The following ARID2 variants were observed in gnomAD, a reference collection of about 807,000 sequenced individuals.
The protein encoded by ARID2 is AT-rich interaction domain 2.
ARID2 carries 32 observed loss-of-function variants against 184.6 expected under a neutral mutation model. The observed-to-expected ratio is 0.17, with a 90% CI of 0.13 to 0.23. The LOEUF (loss-of-function observed/expected upper bound fraction) is 0.23, where lower values mean the gene tolerates loss of function less well. ARID2 is among the 10% of genes least tolerant of loss of function. The probability of loss-of-function intolerance (pLI) is 1.00; values close to 1 mark genes in which losing one functional copy is unlikely to be tolerated. For synonymous variants in ARID2, 836 were observed against 772.6 expected (o/e 1.08, Z -1.36); for missense variants, 1,696 against 2,197.6 (o/e 0.77, Z 4.56).
chr12:45,871,054 T>TCTGTACGATTTTGTATTC (rs1164949390), intron 16 of ARID2, among the ~76,000 whole-genome samples: 1 of 152,240 alleles, frequency 6.6e-6, no homozygotes, highest in Non-Finnish European at 1.5e-5. Flanking sequence ...TTCCAAAGTG[T>TCTGTACGATTTTGTATTC]CTGTACGATT....
rs546578890 is a variant in ARID2 at position 45,847,687 on chromosome 12, C to T, written c.1580+750C>T. 1.1e-3 allele frequency among the ~76,000 whole-genome samples: 172 copies of T among 152,146 alleles called. 2 individuals carry two copies. Among genetic ancestry groups the T allele is most frequent in the Middle Eastern group, 6.8e-3 (2 of 294 alleles). On this transcript the variant is annotated intron_variant, in intron 12 of 20. Transcript: ENST00000334344. ...TGCCATTCACTAACATTATTTGTCT[C>T]CCATTTCATGCTCCTGTCACTCTTT...
intron 6 of ARID2, among the ~76,000 whole-genome samples, chr12:45,824,883 G>A (rs1013940521): frequency 6.8e-6 from 1 of 147,786 alleles, no homozygotes; most frequent in South Asian, 2.1e-4. Context: ...ATATATATAT[G>A]TATATATAAA....
At chr12:45,846,795 A>G (rs80346376) in intron 11 of ARID2, 61 bp from the exon 12 acceptor site, 2 of 1,524,584 alleles carry the variant, frequency 1.3e-6, no homozygotes, top group Non-Finnish European at 1.8e-6. Flanking sequence ...CATAAAAAAA[A>G]GTATGGCAAA....
chr12:45,738,611 G>A (rs1467185623), intron 3 of ARID2, among the ~76,000 whole-genome samples: 1 of 151,894 alleles, frequency 6.6e-6, no homozygotes, highest in Non-Finnish European at 1.5e-5. Flanking sequence ...GCACCCGGCT[G>A]GCCGGAGATT....
In ARID2 at chr12:45,730,037, C is replaced by T. The variant is rs561834872; in HGVS notation, c.93-7C>T. Reference sequence around the variant, plus strand: ...CTGACAAGTGCGGGGCTTTTTCTCTCCCGCAGGTCGCCTTTTAAAAAAATC... The same window carrying T: ...CTGACAAGTGCGGGGCTTTTTCTCTTCCGCAGGTCGCCTTTTAAAAAAATC... On this transcript the variant is annotated splice_polypyrimidine_tract_variant and splice_region_variant and intron_variant, in intron 1 of 20. Transcript: ENST00000334344. 26 of 1,612,870 alleles carry T rather than the reference C, an allele frequency of 1.6e-5. No homozygotes were observed. The highest frequency in any genetic ancestry group is 1.3e-4 in the East Asian group (6 of 44,788).
intron 3 of ARID2, among the ~76,000 whole-genome samples, chr12:45,731,768 T>G (rs776497481): frequency 6.6e-6 from 1 of 152,044 alleles, no homozygotes; most frequent in East Asian, 1.9e-4. Flanking sequence ...TTTGGAACAG[T>G]GTCATTGAAT....
chr12:45,888,035 A>G (rs1944225451), intron 16 of ARID2, among the ~76,000 whole-genome samples: 1 of 152,114 alleles, frequency 6.6e-6, no homozygotes, highest in Non-Finnish European at 1.5e-5. Flanking sequence ...CTCTACTAAA[A>G]ATATAAAAAA....
At chr12:45,896,979 G>A (rs1944377006) in intron 20 of ARID2, among the ~76,000 whole-genome samples, 1 of 152,156 alleles carries the variant, frequency 6.6e-6, no homozygotes. Flanking sequence ...ACCCTGAATA[G>A]CAGAAACAAT....
rs570984955 is a variant in ARID2, at chr12:45,730,556, A to T, written c.186+419A>T. Among the ~76,000 whole-genome samples the T allele has an allele frequency of 3.1e-3, 476 of 152,184 alleles. 4 individuals are homozygous for T. Among genetic ancestry groups the T allele is most frequent in the African/African-American group, 0.011 (459 of 41,570 alleles). On this transcript the variant is annotated intron_variant, in intron 2 of 20. Coordinates refer to ENST00000334344, the MANE Select transcript of ARID2 (RefSeq NM_152641.4). ...CAGGCGGAGACACACAGAGACACAC[A>T]GACTCTGAGAGCAGTTTTCGTGCAA...
intron 16 of ARID2, among the ~76,000 whole-genome samples, chr12:45,864,164 A>G (rs375820481): frequency 6.6e-6 from 1 of 152,008 alleles, no homozygotes; most frequent in Non-Finnish European, 1.5e-5. Flanking sequence ...TTTTAGATGT[A>G]TAATATAGAT....
At chr12:45,818,504 A>T (rs1942844811) in intron 5 of ARID2, among the ~76,000 whole-genome samples, 1 of 152,120 alleles carries the variant, frequency 6.6e-6, no homozygotes, top group East Asian at 1.9e-4. Flanking sequence ...CTTTTGTAAA[A>T]TATCTGTGTT....
chr12:45,862,329 C>G (rs1392116990), intron 16 of ARID2, among the ~76,000 whole-genome samples: 3 of 151,988 alleles, frequency 2.0e-5, no homozygotes, highest in African/African-American at 2.4e-5. Flanking sequence ...AAAATCAGTC[C>G]TTTAGGTTGT....
chr12:45,753,729 G>A (rs1037706470), intron 3 of ARID2, among the ~76,000 whole-genome samples: 1 of 152,110 alleles, frequency 6.6e-6, no homozygotes, highest in Non-Finnish European at 1.5e-5. Context: ...GAATAGCTGG[G>A]ACTACAGGCA....
At chr12:45,789,958 A>C (rs1942264801) in intron 3 of ARID2, among the ~76,000 whole-genome samples, 1 of 152,200 alleles carries the variant, frequency 6.6e-6, no homozygotes, top group Non-Finnish European at 1.5e-5. Context: ...CTACCAAAAA[A>C]ACCAAAACAA....
intron 3 of ARID2, among the ~76,000 whole-genome samples, chr12:45,783,550 G>T (rs528223092): frequency 1.0e-3 from 159 of 152,354 alleles, no homozygotes; most frequent in African/African-American, 3.4e-3. Flanking sequence ...GTGGCAGGGG[G>T]ATGGTTTCAG....
chr12:45,763,831 A>C (rs1254460054), intron 3 of ARID2, among the ~76,000 whole-genome samples: 1 of 151,996 alleles, frequency 6.6e-6, no homozygotes, highest in African/African-American at 2.4e-5. Context: ...GAGAATTTGC[A>C]ATTTTTATAT....
rs1565622241 is a variant in ARID2 at position 45,850,345 on chromosome 12, G to A, written c.2222G>A (p.Ser741Asn). Residue 741 changes from serine (S) to asparagine (N), a missense_variant, in exon 15 of 21, where the codon AGT becomes AAT. Coordinates refer to ENST00000334344, the MANE Select transcript of ARID2 (RefSeq NM_152641.4). ...GCTGTTGGAGGAGGACCTCCACAGA[G>A]TTCTGTTGTTCAGAATCATAGTACA... ...SIAVGGGPPQ[S>N]SVVQNHSTGP... is the part of the protein sequence containing the mutation. 3.1e-6 allele frequency: 5 copies of A among 1,614,092 alleles called. No homozygotes were observed. The South Asian group carries it at 3.3e-5, about 11-fold the overall frequency.
At chr12:45,745,990 T>G (rs543489074) in intron 3 of ARID2, among the ~76,000 whole-genome samples, 3 of 145,698 alleles carry the variant, frequency 2.1e-5, no homozygotes, top group Admixed American at 6.9e-5. Context: ...TTGATAGTTG[T>G]TTTTTTTTTT....
rs115455208 is a variant in ARID2 at position 45,872,614 on chromosome 12, C to T, written c.4922+11665C>T. Reference sequence around the variant, plus strand: ...TGCCAAGCAAAGAGGGGAAAAGTCCCTTATAAAATCGTCAGATCTCGTGAG... The same window carrying T: ...TGCCAAGCAAAGAGGGGAAAAGTCCTTTATAAAATCGTCAGATCTCGTGAG... On this transcript the variant is annotated intron_variant, in intron 16 of 20. Transcript: ENST00000334344. Among the ~76,000 whole-genome samples the T allele has an allele frequency of 7.6e-3, 1,164 of 152,268 alleles. 20 individuals carry two copies. Among genetic ancestry groups the T allele is most frequent in the African/African-American group, 0.026 (1,093 of 41,550 alleles).
Sources: gnomAD v4.1 joint callset for allele counts (sites outside exome capture counted in the v4.1 genomes callset) on GRCh38, gnomAD v4.1.1 for gene constraint, MANE v1.5 for transcripts, NCBI Gene and HGNC (gene_info 2026-07-23, HGNC 2026-07-21) for gene names.